TENM1: variants seen among roughly 807,000 people sequenced by gnomAD.
TENM1 encodes the protein teneurin transmembrane protein 1, also known as teneurin-1.
Under a neutral mutation model 174.8 loss-of-function variants are expected in TENM1, and 35 were observed. That is an observed-to-expected ratio of 0.20 (90% CI 0.15 to 0.27). The LOEUF is 0.27. TENM1 is among the 10% of genes least tolerant of loss of function. The probability of loss-of-function intolerance (pLI) is 1.00; values close to 1 mark genes in which losing one functional copy is unlikely to be tolerated. For missense variants in TENM1, 1,633 were observed against 2,130.1 expected (o/e 0.77, Z 4.59); for synonymous variants, 781 against 798.7 (o/e 0.98, Z 0.37).
the TENM1 span, among the ~76,000 whole-genome samples, chrX:125,179,037 C>A: frequency 1.8e-5 from 2 of 110,649 alleles, no homozygotes; most frequent in Non-Finnish European, 3.8e-5. Context: ...TAATATCCAA[C>A]CTGAAATAAG....
At chrX:124,528,711 A>T (rs1422209542) in intron 16 of TENM1, among the ~76,000 whole-genome samples, 1 of 110,575 alleles carries the variant, frequency 9.0e-6, no homozygotes, top group Non-Finnish European at 1.9e-5. Context: ...ATATGTACAT[A>T]TATGTGTGTG....
exon 17 of TENM1, chrX:124,523,591 T>A: frequency 5.8e-6 from 7 of 1,211,514 alleles, no homozygotes; most frequent in Non-Finnish European, 7.8e-6. Context: ...AAGATTAAGA[T>A]GACAGAGATG....
chrX:125,096,510 A>T, the TENM1 span, among the ~76,000 whole-genome samples: 1 of 112,070 alleles, frequency 8.9e-6, no homozygotes, highest in Non-Finnish European at 1.9e-5. Flanking sequence ...GTTGATATAA[A>T]CAGGTTTATT....
chrX:124,874,680 T>C (rs991710381), intron 3 of TENM1, among the ~76,000 whole-genome samples: 2 of 111,077 alleles, frequency 1.8e-5, no homozygotes, highest in African/African-American at 6.5e-5. Context: ...ATTTTCACAT[T>C]TAATTTTGGG....
intron 11 of TENM1, among the ~76,000 whole-genome samples, chrX:124,624,971 C>T (rs982277277): frequency 8.9e-6 from 1 of 111,800 alleles, no homozygotes; most frequent in Non-Finnish European, 1.9e-5. Flanking sequence ...CATTTTACAG[C>T]ACCTTTTCCT....
At chrX:125,012,910 A>C in the TENM1 span, among the ~76,000 whole-genome samples, 1 of 111,982 alleles carries the variant, frequency 8.9e-6, no homozygotes, top group African/African-American at 3.2e-5. Flanking sequence ...ATATATACAC[A>C]AGTATACAAG....
intron 5 of TENM1, among the ~76,000 whole-genome samples, chrX:124,676,324 T>C (rs1336679497): frequency 8.7e-5 from 6 of 69,066 alleles, no homozygotes; most frequent in Admixed American, 5.8e-4. Flanking sequence ...ACTCAATGAA[T>C]GGAGATGGAT....
rs767808204 is a variant in TENM1 at position 124,585,761 on chromosome X, A to T, written c.2078-20201T>A. On this transcript the variant is annotated intron_variant, in intron 11 of 31. Transcript: ENST00000422452. Reference sequence around the variant, plus strand: ...ATGAATCCAGGAGCTGGTTTTTTGAAAGGATCAACAAAACTGATAGACCGC... The same window carrying T: ...ATGAATCCAGGAGCTGGTTTTTTGATAGGATCAACAAAACTGATAGACCGC... Among the ~76,000 whole-genome samples, 412 of 111,787 alleles carry T rather than the reference A, an allele frequency of 3.7e-3. 1 individual carries two copies. Among genetic ancestry groups the T allele is most frequent in the African/African-American group, 0.013 (387 of 30,653 alleles).
At chrX:125,155,086 C>T in the TENM1 span, among the ~76,000 whole-genome samples, 8 of 111,550 alleles carry the variant, frequency 7.2e-5, no homozygotes, top group South Asian at 3.1e-3. Context: ...ATTGGTAGAG[C>T]CCAGTGGTCT....
chrX:124,843,642 C>A (rs1026895312), intron 3 of TENM1, among the ~76,000 whole-genome samples: 2 of 111,630 alleles, frequency 1.8e-5, no homozygotes, highest in Non-Finnish European at 3.8e-5. Context: ...TAAAATACTG[C>A]AACAGTCCAT....
chrX:124,673,362 C>T (rs1216050423), intron 5 of TENM1, among the ~76,000 whole-genome samples: 4 of 111,732 alleles, frequency 3.6e-5, no homozygotes, highest in Non-Finnish European at 7.5e-5. Flanking sequence ...TATTAGGCAA[C>T]GCAGAGGCAT....
At chrX:125,024,351 TAC>T in the TENM1 span, among the ~76,000 whole-genome samples, 19 of 107,093 alleles carry the variant, frequency 1.8e-4, no homozygotes, top group African/African-American at 6.8e-4. Flanking sequence ...TATATATATA[TAC>T]ACACATACAT....
In TENM1 at chrX:124,755,046, T is replaced by C. The variant is rs773376293; in HGVS notation, c.536-17849A>G. 3.1e-4 allele frequency among the ~76,000 whole-genome samples: 31 copies of C among 101,203 alleles called. No homozygotes were observed. The East Asian group carries it at 6.6e-3, about 22-fold the overall frequency. 87.9% of individuals were successfully genotyped at this position (101,203 alleles called of 115,157 possible). On this transcript the variant is annotated intron_variant, in intron 3 of 31. Coordinates refer to ENST00000422452, the Ensembl canonical transcript of TENM1. ...GAGTTCAATTCCTGGGTATCCTTGT[T>C]AACTTTCTGTCTCGTTGATCTGTCT...
the TENM1 span, among the ~76,000 whole-genome samples, chrX:125,116,683 A>G: frequency 1.8e-5 from 2 of 112,569 alleles, no homozygotes; most frequent in Admixed American, 9.4e-5. Flanking sequence ...ACAATGAGAT[A>G]CCATCTCCTG....
intron 14 of TENM1, among the ~76,000 whole-genome samples, chrX:124,560,652 C>G (rs1338016447): frequency 9.0e-6 from 1 of 111,500 alleles, no homozygotes; most frequent in Admixed American, 9.5e-5. Context: ...GGAAGAAACT[C>G]TTATAATGCA....
chrX:124,477,874 A>T (rs937729549), intron 22 of TENM1, among the ~76,000 whole-genome samples: 1 of 111,343 alleles, frequency 9.0e-6, no homozygotes, highest in Non-Finnish European at 1.9e-5. Flanking sequence ...TTTAAAAAAT[A>T]ACTTTTATTT....
chrX:125,183,183 C>A, the TENM1 span, among the ~76,000 whole-genome samples: 1 of 111,887 alleles, frequency 8.9e-6, no homozygotes, highest in Non-Finnish European at 1.9e-5. Context: ...TATTGCATTG[C>A]CACATCTCAT....
chrX:124,555,059 C>A (rs765227187), intron 14 of TENM1, among the ~76,000 whole-genome samples: 1 of 112,017 alleles, frequency 8.9e-6, no homozygotes, highest in Non-Finnish European at 1.9e-5. Flanking sequence ...TCAGAGACCA[C>A]TTTCCTTCCT....
chrX:124,433,696 C>A (rs1231595827), intron 23 of TENM1, among the ~76,000 whole-genome samples: 1 of 112,254 alleles, frequency 8.9e-6, no homozygotes, highest in Non-Finnish European at 1.9e-5. Context: ...TTATAACATG[C>A]AAATAGGCTC....
Sources: allele counts gnomAD v4.1 joint callset (sites outside exome capture counted in the v4.1 genomes callset), GRCh38; gene constraint gnomAD v4.1.1; transcripts MANE v1.5; gene names NCBI Gene and HGNC (gene_info 2026-07-23, HGNC 2026-07-21).